VRK2: variants seen among roughly 807,000 people sequenced by gnomAD.
VRK2 encodes VRK serine/threonine kinase 2, also known as serine/threonine-protein kinase VRK2.
Under a neutral mutation model 57.6 loss-of-function variants are expected in VRK2, and 60 were observed. That is an observed-to-expected ratio of 1.04 (90% CI 0.85 to 1.29). The LOEUF (loss-of-function observed/expected upper bound fraction) is 1.29, where lower values mean the gene tolerates loss of function less well. Among genes scored for constraint, VRK2 ranks in the 50% most tolerant of loss-of-function variants. The pLI, the probability that VRK2 is intolerant of heterozygous loss-of-function variation, is 0.00. For synonymous variants in VRK2, 231 were observed against 199.2 expected, an observed-to-expected ratio of 1.16 and a Z score of -1.35; for missense variants, 705 against 588.1, an observed-to-expected ratio of 1.20 and a Z score of -2.06.
intron 1 of VRK2, among the ~76,000 whole-genome samples, chr2:58,019,256 A>G (rs1233842866): frequency 6.6e-6 from 1 of 152,262 alleles, no homozygotes; most frequent in Non-Finnish European, 1.5e-5. Context: ...CACTAAGAAT[A>G]CAAGTAACTA....
rs1240582406 is a variant in VRK2 at position 58,055,963 on chromosome 2, T to G, written c.136+6996T>G. ...GTGACAAAACTTTCTATTTTTACAT[T>G]TATTTCATTGCATGTCTATCATGTA... On this transcript the variant is annotated intron_variant, in intron 2 of 12. Coordinates refer to ENST00000340157, the MANE Select transcript of VRK2 (RefSeq NM_006296.7). 2.0e-5 allele frequency among the ~76,000 whole-genome samples: 3 copies of G among 152,196 alleles called. No individual in the cohort carries two copies. In the East Asian group the frequency reaches 5.8e-4, roughly 29 times the overall value.
intron 2 of VRK2, among the ~76,000 whole-genome samples, chr2:58,059,995 T>A (rs1009293891): frequency 6.6e-6 from 1 of 151,908 alleles, no homozygotes; most frequent in Non-Finnish European, 1.5e-5. Context: ...TAAAAAATCA[T>A]GTATTACAGT....
At chr2:57,989,756 T>A (rs1672706391) in intron 1 of VRK2, among the ~76,000 whole-genome samples, 1 of 152,230 alleles carries the variant, frequency 6.6e-6, no homozygotes, top group South Asian at 2.1e-4. Flanking sequence ...TTCAAACTTG[T>A]AAATAGATTC....
chr2:58,159,702 C>T lies in VRK2; in HGVS notation c.*9C>T. ...CTTTATTTTTTCTCTGAAGATGATA[C>T]CAAAATTCCTTTTGATAATTTTTTA... On this transcript the variant is annotated 3_prime_UTR_variant, in exon 13 of 13. Transcript: ENST00000340157. The T allele has an allele frequency of 1.9e-6, 3 of 1,611,782 alleles. No homozygotes were observed. Among genetic ancestry groups the T allele is most frequent in the Non-Finnish European group, 2.5e-6 (3 of 1,179,020 alleles).
chr2:57,947,192 C>A (rs1671287662), intron 1 of VRK2, among the ~76,000 whole-genome samples: 1 of 152,104 alleles, frequency 6.6e-6, no homozygotes, highest in South Asian at 2.1e-4. Context: ...ATGTAAGCAA[C>A]TACCACCAGA....
chr2:58,091,827 A>T (rs755464636), intron 7 of VRK2, among the ~76,000 whole-genome samples: 4 of 152,186 alleles, frequency 2.6e-5, no homozygotes, highest in Non-Finnish European at 4.4e-5. Flanking sequence ...AAATGAGAAG[A>T]TAAGGAGACC....
At chr2:57,942,406 C>T (rs934385568) in intron 1 of VRK2, among the ~76,000 whole-genome samples, 2 of 152,256 alleles carry the variant, frequency 1.3e-5, no homozygotes, top group East Asian at 3.9e-4. Context: ...ATATTTTGTA[C>T]CAGCAATTAC....
At chr2:57,987,567 G>A (rs978999709) in intron 1 of VRK2, among the ~76,000 whole-genome samples, 1 of 152,114 alleles carries the variant, frequency 6.6e-6, no homozygotes, top group Non-Finnish European at 1.5e-5. Flanking sequence ...AATGCAAATT[G>A]TTATAACCTC....
At position 58,146,409 on chromosome 2, in the gene VRK2, T is replaced by C; in HGVS notation, c.1117T>C (p.Cys373Arg). The change falls in exon 12 of 13, where the codon TGT becomes CGT. Residue 373 changes from cysteine to arginine, a missense_variant. By Grantham distance (180) the Cys-to-Arg change is radical (BLOSUM62 -3). Transcript: ENST00000340157. ...CCACAGTGAGAGAAGCGCTGAGTCC[T>C]GTGCAACATGGAAAGTGCAGAAAGA... Reference protein sequence around the residue: ...KVHSERSAESCATWKVQKEEK... With the variant: ...KVHSERSAESRATWKVQKEEK... 6.2e-7 allele frequency: 1 copy of C among 1,611,866 alleles called. No individual in the cohort carries two copies.
At chr2:58,055,890 C>A (rs1676441389) in intron 2 of VRK2, among the ~76,000 whole-genome samples, 1 of 152,102 alleles carries the variant, frequency 6.6e-6, no homozygotes, top group Non-Finnish European at 1.5e-5. Context: ...AGTTTTCTAT[C>A]AATAAAAACT....
rs568268096 is a variant in VRK2, at chr2:57,933,448, G to GAT, written c.-439+25610_-439+25611dup. On this transcript the variant is annotated intron_variant, in intron 1 of 15. Coordinates refer to the VRK2 transcript ENST00000417641. ...CTGCCTCAGCCTCCCGAGTAGCTGG[G>GAT]ATTACAGGCACCTGCCACCACGCCC... 5.1e-3 allele frequency among the ~76,000 whole-genome samples: 775 copies of GAT among 150,852 alleles called. 13 individuals carry two copies. The highest frequency in any genetic ancestry group is 0.018 in the African/African-American group (745 of 41,050).
intron 1 of VRK2, among the ~76,000 whole-genome samples, chr2:57,962,805 T>C (rs1671801293): frequency 6.6e-6 from 1 of 152,258 alleles, no homozygotes; most frequent in Non-Finnish European, 1.5e-5. Flanking sequence ...GTCATCCTTT[T>C]CTTCTTCAAA....
At chr2:57,978,807 C>T (rs1672327577) in intron 1 of VRK2, among the ~76,000 whole-genome samples, 1 of 150,572 alleles carries the variant, frequency 6.6e-6, no homozygotes, top group Non-Finnish European at 1.5e-5. Flanking sequence ...CCCCTCACCC[C>T]CGACCCTACA....
chr2:57,932,048 G>C (rs1202748790), intron 1 of VRK2, among the ~76,000 whole-genome samples: 9 of 152,096 alleles, frequency 5.9e-5, no homozygotes, highest in African/African-American at 2.2e-4. Flanking sequence ...AAATCAAGAA[G>C]TGTGATGCCT....
chr2:57,942,931 T>C (rs1454971297), intron 1 of VRK2, among the ~76,000 whole-genome samples: 1 of 152,174 alleles, frequency 6.6e-6, no homozygotes, highest in Non-Finnish European at 1.5e-5. Context: ...GACAATGCCT[T>C]AGGATTTTTT....
At chr2:58,148,953 C>G (rs536943027) in intron 12 of VRK2, among the ~76,000 whole-genome samples, 20 of 151,818 alleles carry the variant, frequency 1.3e-4, no homozygotes, top group African/African-American at 4.1e-4. Flanking sequence ...TATTTTCTTT[C>G]AAAAATGTAT....
At chr2:57,985,284 T>C (rs981682815) in intron 1 of VRK2, among the ~76,000 whole-genome samples, 1 of 152,084 alleles carries the variant, frequency 6.6e-6, no homozygotes, top group East Asian at 1.9e-4. Flanking sequence ...CCTTGTGATA[T>C]ATTTCTAATA....
At chr2:58,013,072 GT>G (rs1218055098) in intron 1 of VRK2, among the ~76,000 whole-genome samples, 5 of 152,024 alleles carry the variant, frequency 3.3e-5, no homozygotes, top group Non-Finnish European at 7.4e-5. Context: ...TACTTTCTAT[GT>G]TTTTATAAAA....
At chr2:58,005,831 T>G (rs543796016) in intron 1 of VRK2, among the ~76,000 whole-genome samples, 1 of 152,126 alleles carries the variant, frequency 6.6e-6, no homozygotes, top group Non-Finnish European at 1.5e-5. Context: ...TGAGTCTTCT[T>G]TGACAGTAGA....
Sources: allele counts gnomAD v4.1 joint callset (sites outside exome capture counted in the v4.1 genomes callset), GRCh38; gene constraint gnomAD v4.1.1; transcripts MANE v1.5; gene names NCBI Gene and HGNC (gene_info 2026-07-23, HGNC 2026-07-21).